The following MSI2 variants were observed in gnomAD, a reference collection of about 807,000 sequenced individuals.
The protein encoded by MSI2 is musashi RNA binding protein 2, also known as RNA-binding protein Musashi homolog 2.
In MSI2, 17 loss-of-function variants were observed where a neutral mutation model predicts 45.6. That is an observed-to-expected ratio of 0.37 (90% CI 0.26 to 0.56). The LOEUF (loss-of-function observed/expected upper bound fraction) is 0.56, where lower values mean the gene tolerates loss of function less well. Ranked by LOEUF, MSI2 falls within the 20% of genes least tolerant of loss-of-function variation. The pLI is 0.77. For synonymous variants in MSI2, 156 were observed against 158.2 expected, an observed-to-expected ratio of 0.99 and a Z score of 0.11; for missense variants, 293 against 444.2, an observed-to-expected ratio of 0.66 and a Z score of 3.06.
chr17:57,352,753 T>C (rs1916123232), intron 5 of MSI2, among the ~76,000 whole-genome samples: 1 of 151,716 alleles, frequency 6.6e-6, no homozygotes, highest in African/African-American at 2.4e-5. Flanking sequence ...TTCAAGCTTC[T>C]TGGTCTCTTC....
intron 5 of MSI2, among the ~76,000 whole-genome samples, chr17:57,358,774 A>C (rs1916621915): frequency 6.6e-6 from 1 of 152,192 alleles, no homozygotes; most frequent in African/African-American, 2.4e-5. Flanking sequence ...GTTTTATAGA[A>C]GTGTCTGTAC....
chr17:57,578,351 G>C (rs964685295), intron 7 of MSI2, among the ~76,000 whole-genome samples: 2 of 152,118 alleles, frequency 1.3e-5, no homozygotes, highest in African/African-American at 2.4e-5. Flanking sequence ...GCAAAGCTAG[G>C]GGATCATCTT....
In MSI2 at chr17:57,592,765, G is replaced by A. The variant is rs147938348; in HGVS notation, c.455-4103G>A. On this transcript the variant is annotated intron_variant, in intron 7 of 13. Coordinates refer to ENST00000284073, the MANE Select transcript of MSI2 (RefSeq NM_138962.4). ...GAGATGATGCCCTGAGTCTTGCCCC[G>A]ACCCTTCCTGGTGCAACAGTCTGCA... is the stretch of plus-strand genomic sequence containing the variant. 3.2e-4 allele frequency among the ~76,000 whole-genome samples: 48 copies of A among 152,268 alleles called. 2 individuals are homozygous for A. In the East Asian group the frequency reaches 5.0e-3, roughly 16 times the overall value.
At chr17:57,648,693 G>A (rs1249794133) in intron 10 of MSI2, among the ~76,000 whole-genome samples, 6 of 152,126 alleles carry the variant, frequency 3.9e-5, no homozygotes, top group East Asian at 1.9e-4. Flanking sequence ...GAGCTCTGCC[G>A]CAGCTTTGCT....
intron 5 of MSI2, among the ~76,000 whole-genome samples, chr17:57,390,732 T>C (rs189397018): frequency 2.4e-4 from 37 of 152,340 alleles, no homozygotes; most frequent in Admixed American, 5.2e-4. Flanking sequence ...AGATTGTTGC[T>C]GATGAGAACA....
At chr17:57,485,529 C>T (rs1255667712) in intron 6 of MSI2, among the ~76,000 whole-genome samples, 1 of 152,216 alleles carries the variant, frequency 6.6e-6, no homozygotes, top group Non-Finnish European at 1.5e-5. Flanking sequence ...CCTAATGCAT[C>T]TTCCTTGCGA....
the MSI2 span, among the ~76,000 whole-genome samples, chr17:57,691,200 C>CTCATCTATCT: frequency 0.048 from 6,723 of 140,092 alleles, 222 homozygotes; most frequent in South Asian, 0.12. Flanking sequence ...CTCTCTCTCT[C>CTCATCTATCT]ATCTATCTAT....
At chr17:57,361,006 G>A (rs541023486) in intron 5 of MSI2, among the ~76,000 whole-genome samples, 70 of 152,268 alleles carry the variant, frequency 4.6e-4, no homozygotes, top group African/African-American at 1.6e-3. Flanking sequence ...ATATTAACTC[G>A]GAATATGGGG....
At chr17:57,678,111 C>T (rs1453320466) in intron 13 of MSI2, among the ~76,000 whole-genome samples, 2 of 152,214 alleles carry the variant, frequency 1.3e-5, no homozygotes, top group African/African-American at 4.8e-5. Context: ...TTTGGGCTTG[C>T]ACTTCATTGG....
At chr17:57,528,714 G>A (rs2086756358) in intron 6 of MSI2, among the ~76,000 whole-genome samples, 1 of 152,094 alleles carries the variant, frequency 6.6e-6, no homozygotes, top group Non-Finnish European at 1.5e-5. Flanking sequence ...TTGTGTTTGT[G>A]TCCTAATCTC....
At chr17:57,339,444 C>A (rs1456613261) in intron 5 of MSI2, among the ~76,000 whole-genome samples, 1 of 152,160 alleles carries the variant, frequency 6.6e-6, no homozygotes, top group African/African-American at 2.4e-5. Flanking sequence ...GTGATGCTTT[C>A]TCTTCTGGTT....
intron 9 of MSI2, among the ~76,000 whole-genome samples, chr17:57,619,293 C>T (rs1033906449): frequency 1.3e-5 from 2 of 152,200 alleles, no homozygotes; most frequent in African/African-American, 4.8e-5. Flanking sequence ...GTGACCAGCC[C>T]TGGGTAGCCT....
intron 6 of MSI2, among the ~76,000 whole-genome samples, chr17:57,470,134 GC>G (rs746100979): frequency 3.9e-5 from 6 of 152,168 alleles, no homozygotes; most frequent in Middle Eastern, 6.8e-3. Context: ...CCCTCTTCTA[GC>G]CCATACCCCT....
intron 5 of MSI2, among the ~76,000 whole-genome samples, chr17:57,338,464 T>C (rs1327015530): frequency 6.6e-6 from 1 of 152,238 alleles, no homozygotes; most frequent in Non-Finnish European, 1.5e-5. Context: ...CTAGGCTCAC[T>C]GCAGTCTCTG....
At chr17:57,668,830 C>T (rs1181373607) in intron 11 of MSI2, among the ~76,000 whole-genome samples, 3 of 152,174 alleles carry the variant, frequency 2.0e-5, no homozygotes, top group Non-Finnish European at 4.4e-5. Context: ...CTGAAATAGC[C>T]TGAATTTCAG....
At chr17:57,263,038 T>C (rs1202750860) in intron 5 of MSI2, among the ~76,000 whole-genome samples, 1 of 152,232 alleles carries the variant, frequency 6.6e-6, no homozygotes, top group Non-Finnish European at 1.5e-5. Context: ...GTCATTCTTT[T>C]AGGGAAAGGG....
chr17:57,413,265 A>G (rs959801167), intron 6 of MSI2, among the ~76,000 whole-genome samples: 2 of 152,198 alleles, frequency 1.3e-5, no homozygotes, highest in Non-Finnish European at 2.9e-5. Context: ...CCACCCTGGC[A>G]ATGATGCAAA....
chr17:57,345,798 G>A (rs1915548879), intron 5 of MSI2, among the ~76,000 whole-genome samples: 2 of 140,242 alleles, frequency 1.4e-5, no homozygotes, highest in Non-Finnish European at 3.0e-5. Flanking sequence ...CAGCCTGGGC[G>A]ACAGAGTGGG....
chr17:57,459,631 G>C (rs1002019162), intron 6 of MSI2, among the ~76,000 whole-genome samples: 2 of 152,176 alleles, frequency 1.3e-5, no homozygotes, highest in African/African-American at 4.8e-5. Flanking sequence ...GTAGGTCCTG[G>C]AGACAGGAGG....
Sources: gnomAD v4.1 joint callset for allele counts (sites outside exome capture counted in the v4.1 genomes callset) on GRCh38, gnomAD v4.1.1 for gene constraint, MANE v1.5 for transcripts, NCBI Gene and HGNC (gene_info 2026-07-23, HGNC 2026-07-21) for gene names.